The following PTPRS variants were observed in gnomAD, a reference collection of about 807,000 sequenced individuals.
PTPRS encodes protein tyrosine phosphatase receptor type S.
In PTPRS, 63 loss-of-function variants were observed where a neutral mutation model predicts 215.3. The ratio of observed to expected loss-of-function variants is 0.29; its 90% CI spans 0.24 to 0.36. PTPRS has a LOEUF of 0.36. Ranked by LOEUF, PTPRS falls within the 10% of genes least tolerant of loss-of-function variation. The probability of loss-of-function intolerance (pLI) is 1.00; values close to 1 mark genes in which losing one functional copy is unlikely to be tolerated. For missense variants in PTPRS, 2,258 were observed against 2,825.8 expected, an observed-to-expected ratio of 0.80 and a Z score of 4.56; for synonymous variants, 1,404 against 1,191.4, an observed-to-expected ratio of 1.18 and a Z score of -3.68.
intron 9 of PTPRS, among the ~76,000 whole-genome samples, chr19:5,254,856 T>C (rs371988448): frequency 6.6e-6 from 1 of 152,182 alleles, no homozygotes; most frequent in Non-Finnish European, 1.5e-5. Flanking sequence ...CACTTCTGGA[T>C]TGGTACCCAG....
intron 4 of PTPRS, among the ~76,000 whole-genome samples, chr19:5,271,579 T>C (rs559972799): frequency 1.3e-5 from 2 of 152,070 alleles, no homozygotes; most frequent in South Asian, 2.1e-4. Flanking sequence ...TTTGTATTTT[T>C]AGTACAGACA....
In PTPRS at chr19:5,240,259, C is replaced by A. The variant is rs767327091; in HGVS notation, c.1644G>T (p.Pro548=). The A allele has an allele frequency of 2.5e-6, 4 of 1,589,280 alleles. No homozygotes were observed. The highest frequency in any genetic ancestry group is 4.6e-5 in the East Asian group (2 of 43,718). Residue 548 remains proline, a synonymous_variant, in exon 12 of 38, where the codon CCG becomes CCT. Coordinates refer to ENST00000262963, the MANE Select transcript of PTPRS (RefSeq NM_002850.4). ...CGTACTTGATGATACTCTCCTGCCG[C>A]GGGGGGCTCCAGGACAGCGTGATGC... ...ETSITLSWSP[P]RQESIIKYEL...
chr19:5,328,504 T>A (rs1485182037), intron 1 of PTPRS, among the ~76,000 whole-genome samples: 1 of 151,248 alleles, frequency 6.6e-6, no homozygotes, highest in Non-Finnish European at 1.5e-5. Flanking sequence ...TCCCAAAGTG[T>A]TGGGATTATA....
Position 5,211,629 on chromosome 19 carries a change from C to G in PTPRS, c.5195G>C (p.Gly1732Ala), listed in dbSNP as rs781331763. 6.2e-7 allele frequency: 1 copy of G among 1,613,692 alleles called. No homozygotes were observed. The highest frequency in any genetic ancestry group is 8.5e-7 in the Non-Finnish European group (1 of 1,179,658). The change falls in exon 33 of 38, where the codon GGC becomes GCC. Residue 1732 changes from glycine to alanine, a missense_variant. By Grantham distance (60) the Gly-to-Ala change is moderately conservative. Coordinates refer to ENST00000262963, the MANE Select transcript of PTPRS (RefSeq NM_002850.4). Reference sequence around the variant, plus strand: ...GAAGCTGGCGTTGATGTAGTCAGAGCCCTCCACACCCCGGATGGGTTGCAG... The same window carrying G: ...GAAGCTGGCGTTGATGTAGTCAGAGGCCTCCACACCCCGGATGGGTTGCAG... ...VCLQPIRGVE[G>A]SDYINASFID... is the part of the protein sequence containing the mutation.
intron 13 of PTPRS, among the ~76,000 whole-genome samples, chr19:5,235,449 T>C (rs1476133838): frequency 1.3e-5 from 2 of 152,204 alleles, no homozygotes; most frequent in Non-Finnish European, 2.9e-5. Flanking sequence ...CAGTAAAAAC[T>C]GTGTAACCAG....
intron 18 of PTPRS, 51 bp downstream of exon 18, chr19:5,222,638 G>A (rs760212727): frequency 6.9e-7 from 1 of 1,448,090 alleles, no homozygotes. Context: ...TGGGGTGGGG[G>A]TGGGCGCAAG....
intron 29 of PTPRS, 32 bp downstream of exon 29, chr19:5,214,529 G>A (rs1014551434): frequency 6.2e-7 from 1 of 1,612,174 alleles, no homozygotes; most frequent in Non-Finnish European, 8.5e-7. Flanking sequence ...CTGACTGGCA[G>A]GGGCTTGAGG....
rs376237202 is a variant in PTPRS, at chr19:5,294,129, A to C, written c.-94-7895T>G. ...CCGCGTCTGCTCCCATCCCTGGAAA[A>C]AACGCCTCTCTTCCCAGCATTCGCG... On this transcript the variant is annotated intron_variant, in intron 1 of 37. Coordinates refer to ENST00000262963, the MANE Select transcript of PTPRS (RefSeq NM_002850.4). The surrounding 1 kb of genome is among the most constrained non-coding windows in gnomAD (Gnocchi z 5.1). The C allele has an allele frequency of 2.2e-4, 34 of 152,314 alleles. No homozygotes were observed. The highest frequency in any genetic ancestry group is 8.3e-4 in the South Asian group (4 of 4,814). 9.4% of individuals were successfully genotyped at this position (152,314 alleles called of 1,614,324 possible).
Position 5,223,020 on chromosome 19 carries a change from C to T in PTPRS, c.2772G>A (p.Pro924=), listed in dbSNP as rs753043158. The change falls in exon 18 of 38, where the codon CCG becomes CCA. Residue 924 remains proline (P), a synonymous_variant. Coordinates refer to ENST00000262963, the MANE Select transcript of PTPRS (RefSeq NM_002850.4). The part of the protein sequence containing the change: ...GEEAAEVLSI[P]EDTPRGHPQI... ...GCGGGTGGCCACGGGGCGTGTCCTC[C>T]GGGATGCTCAGGACCTCGGCTGCCT... The T allele has an allele frequency of 4.5e-5, 69 of 1,544,852 alleles. No homozygotes were observed. The highest frequency in any genetic ancestry group is 9.7e-5 in the East Asian group (4 of 41,110).
chr19:5,214,267 C>G, intron 30 of PTPRS, 94 bp downstream of exon 30: 3 of 1,548,544 alleles, frequency 1.9e-6, no homozygotes, highest in Non-Finnish European at 2.7e-6. Flanking sequence ...TCTCTCTGTC[C>G]CATGGGGAGC....
At chr19:5,282,998 T>C (rs1053544481) in intron 2 of PTPRS, among the ~76,000 whole-genome samples, 1 of 152,176 alleles carries the variant, frequency 6.6e-6, no homozygotes, top group African/African-American at 2.4e-5. Flanking sequence ...TCATGTGGTA[T>C]TGCCAATATC....
chr19:5,280,497 T>C (rs1011015725), intron 2 of PTPRS, among the ~76,000 whole-genome samples: 4 of 152,068 alleles, frequency 2.6e-5, no homozygotes, highest in African/African-American at 9.7e-5. Flanking sequence ...GGCGGATGGA[T>C]TACCTGAGGT....
chr19:5,241,432 C>A (rs2044033624), intron 11 of PTPRS, among the ~76,000 whole-genome samples: 1 of 151,894 alleles, frequency 6.6e-6, no homozygotes, highest in African/African-American at 2.4e-5. Context: ...CACAGGCACA[C>A]ACCACCACAC....
intron 1 of PTPRS, among the ~76,000 whole-genome samples, chr19:5,305,188 G>A (rs1402166296): frequency 6.6e-6 from 1 of 152,182 alleles, no homozygotes; most frequent in Non-Finnish European, 1.5e-5. Context: ...TGCTCAGTGA[G>A]CACATCAGCT....
At chr19:5,291,870 G>A (rs954149396) in intron 1 of PTPRS, among the ~76,000 whole-genome samples, 1 of 151,640 alleles carries the variant, frequency 6.6e-6, no homozygotes, top group Non-Finnish European at 1.5e-5. Context: ...ACCTCATCAC[G>A]CCACAACCCC....
chr19:5,318,882 T>C (rs1286041135), intron 1 of PTPRS, among the ~76,000 whole-genome samples: 1 of 152,196 alleles, frequency 6.6e-6, no homozygotes. Context: ...CCTATTCCCC[T>C]TGAATTGCTA....
At chr19:5,219,492 C>T (rs2041785009) in intron 22 of PTPRS, 25 bp from the exon 23 acceptor site, 1 of 1,541,678 alleles carries the variant, frequency 6.5e-7, no homozygotes, top group Non-Finnish European at 8.7e-7. Context: ...GGGGGGTCTC[C>T]ATCAGTGTCC....
chr19:5,224,481 C>G (rs1185767143), intron 17 of PTPRS, among the ~76,000 whole-genome samples: 1 of 152,228 alleles, frequency 6.6e-6, no homozygotes, highest in African/African-American at 2.4e-5. Context: ...AAATCCGCCC[C>G]TGCTCTTTGT....
rs572595077 is a variant in PTPRS at position 5,210,123 on chromosome 19, C to T, written c.5487+346G>A. Among the ~76,000 whole-genome samples the T allele has an allele frequency of 6.6e-6, 1 of 152,284 alleles. No individual in the cohort carries two copies. Among genetic ancestry groups the T allele is most frequent in the East Asian group, 1.9e-4 (1 of 5,182 alleles). On this transcript the variant is annotated intron_variant, in intron 35 of 37. Coordinates refer to ENST00000262963, the MANE Select transcript of PTPRS (RefSeq NM_002850.4). The surrounding 1 kb of genome is among the most constrained non-coding windows in gnomAD (Gnocchi z 4.5). ...CCACCATCTGACTCTCCTTGTCCAC[C>T]GTCTACCACCCCTCACCCTCAATCC...
Sources: gnomAD v4.1 joint callset for allele counts (sites outside exome capture counted in the v4.1 genomes callset) on GRCh38, gnomAD v4.1.1 for gene constraint, Gnocchi (gnomAD v3.1) non-coding constraint, MANE v1.5 for transcripts, NCBI Gene and HGNC (gene_info 2026-07-23, HGNC 2026-07-21) for gene names.